Variants in NBEA observed in about 807,000 individuals in gnomAD.
NBEA encodes the protein lysosomal-trafficking regulator 2.
In NBEA, 44 loss-of-function variants were observed where a neutral mutation model predicts 343.4. The observed-to-expected ratio is 0.13, with a 90% CI of 0.10 to 0.16. The LOEUF (loss-of-function observed/expected upper bound fraction) is 0.16. NBEA is among the 10% of genes least tolerant of loss of function. The pLI is 1.00. For synonymous variants in NBEA, 1,175 were observed against 1,238.7 expected (o/e 0.95, Z 1.08); for missense variants, 2,555 against 3,631.3 (o/e 0.70, Z 7.62).
chr13:35,119,065 G>A (rs1488039823), intron 16 of NBEA, among the ~76,000 whole-genome samples: 2 of 152,106 alleles, frequency 1.3e-5, no homozygotes, highest in Non-Finnish European at 2.9e-5. Context: ...CAGTGCAATG[G>A]AAATAATAGA....
intron 1 of NBEA, among the ~76,000 whole-genome samples, chr13:34,976,647 G>GTTTTTTTT (rs1279170590): frequency 7.1e-6 from 1 of 141,838 alleles, no homozygotes; most frequent in African/African-American, 2.6e-5. Flanking sequence ...TTTTTTCTTT[G>GTTTTTTTT]TTTTTTGTTT....
chr13:35,351,559 G>C (rs983091825), intron 37 of NBEA, among the ~76,000 whole-genome samples: 16 of 151,816 alleles, frequency 1.1e-4, no homozygotes, highest in African/African-American at 3.9e-4. Context: ...GAAACCCTTT[G>C]AACACATTAC....
intron 49 of NBEA, among the ~76,000 whole-genome samples, chr13:35,634,830 T>C (rs989214449): frequency 3.9e-5 from 6 of 152,168 alleles, no homozygotes; most frequent in African/African-American, 1.4e-4. Context: ...TCTATCTTTT[T>C]CTCAATCTGA....
At chr13:35,399,293 A>G (rs899103521) in intron 38 of NBEA, among the ~76,000 whole-genome samples, 1 of 152,146 alleles carries the variant, frequency 6.6e-6, no homozygotes, top group African/African-American at 2.4e-5. Flanking sequence ...TGTTTTAAAG[A>G]TAGTGCCAGA....
In NBEA at chr13:35,109,452, T is replaced by C. The variant is rs1358312259; in HGVS notation, c.1833+10T>C. 1 of 1,590,968 alleles carries C rather than the reference T, an allele frequency of 6.3e-7. No individual in the cohort carries two copies. The highest frequency in any genetic ancestry group is 2.2e-5 in the East Asian group (1 of 44,454). On this transcript the variant is annotated intron_variant, in intron 12 of 58. Coordinates refer to ENST00000379939, the MANE Select transcript of NBEA (RefSeq NM_001385012.1). ...ACATACACCTGCAAAGGTATGAATT[T>C]TATACTTATTCAGTTTGATTTAGTG...
rs1029405857 is a variant in NBEA, at chr13:35,420,946, T to C, written c.6180-11323T>C. Among the ~76,000 whole-genome samples the C allele has an allele frequency of 5.3e-5, 8 of 152,134 alleles. No individual in the cohort carries two copies. In the East Asian group the frequency reaches 1.5e-3, roughly 29 times the overall value. On this transcript the variant is annotated intron_variant, in intron 38 of 58. Transcript: ENST00000379939. ...TATTGATTTTTTTCAAAGAAACAGCTCTTTGTTTTTGTTAATTTTTCTCTG... is the reference window on the plus strand; with the variant it reads ...TATTGATTTTTTTCAAAGAAACAGCCCTTTGTTTTTGTTAATTTTTCTCTG...
intron 36 of NBEA, among the ~76,000 whole-genome samples, chr13:35,316,216 G>A (rs748198703): frequency 4.6e-5 from 7 of 151,854 alleles, no homozygotes; most frequent in Non-Finnish European, 8.8e-5. Context: ...CCATCTACCC[G>A]TCATCCACAT....
chr13:35,501,646 C>T lies in NBEA; in HGVS notation c.6585+29110C>T, dbSNP rs2000266. Among the ~76,000 whole-genome samples, 1,048 of 152,208 alleles carry T rather than the reference C, an allele frequency of 6.9e-3. 13 individuals are homozygous for T. Among genetic ancestry groups the T allele is most frequent in the African/African-American group, 0.024 (990 of 41,536 alleles). ...GCTTCAAACACAAGAGCTTCCAGCA[C>T]TAATAAATAACCTACCTCACCTTTT... On this transcript the variant is annotated intron_variant, in intron 41 of 58. Coordinates refer to ENST00000379939, the MANE Select transcript of NBEA (RefSeq NM_001385012.1).
rs2060534461 is a variant in NBEA at position 34,986,068 on chromosome 13, T to G, written c.294+42954T>G. Reference sequence around the variant, plus strand: ...TGCTCTGATCTTAGTTATTTCTTCCTTCTGCTAGCTTTTGAATGTGTTTGC... The same window carrying G: ...TGCTCTGATCTTAGTTATTTCTTCCGTCTGCTAGCTTTTGAATGTGTTTGC... On this transcript the variant is annotated intron_variant, in intron 1 of 58. Transcript: ENST00000379939. 1.3e-5 allele frequency among the ~76,000 whole-genome samples: 2 copies of G among 150,794 alleles called. 1 individual carries two copies. Among genetic ancestry groups the G allele is most frequent in the Non-Finnish European group, 3.0e-5 (2 of 67,400 alleles).
intron 1 of NBEA, among the ~76,000 whole-genome samples, chr13:34,959,389 C>A (rs767496548): frequency 6.6e-6 from 1 of 151,984 alleles, no homozygotes; most frequent in African/African-American, 2.4e-5. Flanking sequence ...TGCAGTCTTT[C>A]AATACTGGAC....
chr13:35,643,501 G>A (rs1039510327), intron 49 of NBEA, among the ~76,000 whole-genome samples: 3 of 152,110 alleles, frequency 2.0e-5, no homozygotes, highest in African/African-American at 7.2e-5. Flanking sequence ...TCTAGACCAG[G>A]TTTCAGTTTT....
intron 38 of NBEA, among the ~76,000 whole-genome samples, chr13:35,426,287 G>A (rs554972243): frequency 3.3e-5 from 5 of 152,244 alleles, no homozygotes; most frequent in East Asian, 1.9e-4. Flanking sequence ...GGCTGCTGCC[G>A]GTTGTTCCTT....
At chr13:35,156,735 AC>A (rs1156595755) in intron 20 of NBEA, among the ~76,000 whole-genome samples, 1 of 152,192 alleles carries the variant, frequency 6.6e-6, no homozygotes, top group Admixed American at 6.5e-5. Context: ...GTCTTAGTAC[AC>A]AGTCTCAGTA....
chr13:34,978,068 A>G (rs2060239122), intron 1 of NBEA, among the ~76,000 whole-genome samples: 1 of 152,194 alleles, frequency 6.6e-6, no homozygotes, highest in African/African-American at 2.4e-5. Context: ...TGGCCTCCCA[A>G]AGTGCTAGGA....
intron 10 of NBEA, among the ~76,000 whole-genome samples, chr13:35,074,221 T>C (rs1283820615): frequency 6.6e-6 from 1 of 152,168 alleles, no homozygotes; most frequent in Non-Finnish European, 1.5e-5. Context: ...CTCAAGAAAT[T>C]AAATAGAAAC....
intron 45 of NBEA, among the ~76,000 whole-genome samples, chr13:35,574,639 A>G (rs1333286289): frequency 6.6e-6 from 1 of 152,082 alleles, no homozygotes; most frequent in Non-Finnish European, 1.5e-5. Context: ...TAATCCTAGC[A>G]CTTTGGAAGG....
intron 35 of NBEA, among the ~76,000 whole-genome samples, chr13:35,303,539 A>G (rs949384390): frequency 5.3e-5 from 8 of 152,318 alleles, no homozygotes; most frequent in African/African-American, 1.9e-4. Flanking sequence ...TCATGTTACT[A>G]AAGTCTGGGT....
intron 1 of NBEA, among the ~76,000 whole-genome samples, chr13:35,038,855 C>T (rs2062545776): frequency 6.6e-6 from 1 of 152,096 alleles, no homozygotes; most frequent in Non-Finnish European, 1.5e-5. Context: ...CCAGCATTCC[C>T]TTAGCTGCCC....
chr13:35,339,825 A>G (rs1222805208), intron 36 of NBEA, among the ~76,000 whole-genome samples: 2 of 152,050 alleles, frequency 1.3e-5, no homozygotes, highest in Non-Finnish European at 1.5e-5. Flanking sequence ...GCAAGAGGAT[A>G]TTTCTAAACC....
Sources: allele counts gnomAD v4.1 joint callset (sites outside exome capture counted in the v4.1 genomes callset), GRCh38; gene constraint gnomAD v4.1.1; transcripts MANE v1.5; gene names NCBI Gene and HGNC (gene_info 2026-07-23, HGNC 2026-07-21).